Variants in ADCYAP1R1 observed in about 807,000 individuals in gnomAD.
ADCYAP1R1 encodes the protein ADCYAP receptor type I.
In ADCYAP1R1, 44 loss-of-function variants were observed where a neutral mutation model predicts 67.6. That is an observed-to-expected ratio of 0.65 (90% CI 0.51 to 0.84). ADCYAP1R1 has a LOEUF of 0.84. ADCYAP1R1 is among the 40% of genes least tolerant of loss of function. The pLI, the probability that ADCYAP1R1 is intolerant of heterozygous loss-of-function variation, is 0.00. For synonymous variants in ADCYAP1R1, 222 were observed against 219.6 expected, an observed-to-expected ratio of 1.01 and a Z score of -0.10; for missense variants, 477 against 587.9, an observed-to-expected ratio of 0.81 and a Z score of 1.95.
At chr7:31,082,303 G>A (rs1216692141) in intron 6 of ADCYAP1R1, among the ~76,000 whole-genome samples, 3 of 152,166 alleles carry the variant, frequency 2.0e-5, no homozygotes, top group Non-Finnish European at 4.4e-5. Context: ...CACAATGACC[G>A]CGGGGTTTTG....
intron 3 of ADCYAP1R1, among the ~76,000 whole-genome samples, chr7:31,071,157 A>G (rs569429062): frequency 6.6e-6 from 1 of 152,308 alleles, no homozygotes; most frequent in East Asian, 1.9e-4. Context: ...AGTTTTGAAC[A>G]CTGTGGAACT....
intron 8 of ADCYAP1R1, 59 bp from the exon 9 acceptor site, chr7:31,085,251 G>A: frequency 1.9e-6 from 3 of 1,578,102 alleles, no homozygotes; most frequent in Non-Finnish European, 2.6e-6. Flanking sequence ...ATGCCCACAT[G>A]GAGGGTGTGA....
At position 31,086,884 on chromosome 7, in the gene ADCYAP1R1, T is replaced by G; in HGVS notation, c.824-59T>G. On this transcript the variant is annotated intron_variant, in intron 10 of 15. Transcript: ENST00000304166. The surrounding 1 kb of genome is among the most constrained non-coding windows in gnomAD (Gnocchi z 5.0). ...GCCTCTCGGAGCCCCAGGTCTACGG[T>G]GGACATTGGACATGTTGGTTTTCCT... is the stretch of plus-strand genomic sequence containing the variant. The G allele has an allele frequency of 6.4e-7, 1 of 1,560,454 alleles. No homozygotes were observed. The highest frequency in any genetic ancestry group is 8.8e-7 in the Non-Finnish European group (1 of 1,131,426).
chr7:31,078,571 A>G (rs7804958), intron 4 of ADCYAP1R1, among the ~76,000 whole-genome samples: 8,459 of 152,274 alleles, frequency 0.056, 801 homozygotes, highest in African/African-American at 0.19. Flanking sequence ...AGAGAGACGC[A>G]CATGTAGACA....
rs773256159 is a variant in ADCYAP1R1 at position 31,111,435 on chromosome 7, A to C, written c.*4751A>C. 1 of 152,190 alleles carries C rather than the reference A, an allele frequency of 6.6e-6. No individual in the cohort carries two copies. The highest frequency in any genetic ancestry group is 1.5e-5 in the Non-Finnish European group (1 of 68,040). 9.4% of individuals were successfully genotyped at this position (152,190 alleles called of 1,614,324 possible). A position where few individuals can be genotyped will look rare whatever the true frequency, so the allele number is the denominator to read the frequency against. On this transcript the variant is annotated 3_prime_UTR_variant, in exon 16 of 16. Coordinates refer to ENST00000304166, the MANE Select transcript of ADCYAP1R1 (RefSeq NM_001118.5). Reference sequence around the variant, plus strand: ...TCTTGTCCAGGATTTTAAGGATGTCAGACTGCTGTAGATGACTCAATAAAT... The same window carrying C: ...TCTTGTCCAGGATTTTAAGGATGTCCGACTGCTGTAGATGACTCAATAAAT...
chr7:31,084,911 C>A, intron 8 of ADCYAP1R1, 77 bp downstream of exon 8: 1 of 1,319,844 alleles, frequency 7.6e-7, no homozygotes, highest in Non-Finnish European at 1.1e-6. Context: ...CTCTCCCCTC[C>A]CCCCTTGATG....
intron 1 of ADCYAP1R1, among the ~76,000 whole-genome samples, chr7:31,055,155 G>A (rs1369305941): frequency 6.6e-6 from 1 of 152,146 alleles, no homozygotes; most frequent in Non-Finnish European, 1.5e-5. Flanking sequence ...TATGACACCT[G>A]CCAGAGAGCT....
intron 15 of ADCYAP1R1, 83 bp from the exon 16 acceptor site, chr7:31,106,413 G>T (rs1433510254): frequency 5.4e-6 from 8 of 1,487,828 alleles, no homozygotes; most frequent in Non-Finnish European, 6.3e-6. Flanking sequence ...CTGCCAGCCT[G>T]GGAAGGGCCC....
chr7:31,103,173 C>G, intron 13 of ADCYAP1R1, 64 bp from the exon 14 acceptor site: 1 of 1,586,054 alleles, frequency 6.3e-7, no homozygotes, highest in Non-Finnish European at 8.6e-7. Context: ...GTTCTCTGCC[C>G]TCCGTGGCTC....
intron 3 of ADCYAP1R1, among the ~76,000 whole-genome samples, chr7:31,071,434 A>G (rs576547153): frequency 1.3e-5 from 2 of 152,264 alleles, no homozygotes; most frequent in East Asian, 1.9e-4. Context: ...AGATGGAGCC[A>G]TGAGGCTTGG....
chr7:31,069,108 G>T (rs1412549259), intron 3 of ADCYAP1R1, among the ~76,000 whole-genome samples: 1 of 152,118 alleles, frequency 6.6e-6, no homozygotes, highest in East Asian at 1.9e-4. Context: ...AAGCCTCCAG[G>T]TGATTCTAAA....
At chr7:31,068,092 C>G (rs889143711) in intron 3 of ADCYAP1R1, among the ~76,000 whole-genome samples, 1 of 152,106 alleles carries the variant, frequency 6.6e-6, no homozygotes, top group Non-Finnish European at 1.5e-5. Flanking sequence ...AGAAGCGTTC[C>G]GCTGGGGAAG....
chr7:31,083,686 C>T (rs1050295175), intron 6 of ADCYAP1R1, among the ~76,000 whole-genome samples: 4 of 152,114 alleles, frequency 2.6e-5, no homozygotes, highest in African/African-American at 4.8e-5. Flanking sequence ...CCAAGGTGTG[C>T]CAAGGACCCC....
At chr7:31,071,195 G>A (rs931696991) in intron 3 of ADCYAP1R1, among the ~76,000 whole-genome samples, 1 of 152,144 alleles carries the variant, frequency 6.6e-6, no homozygotes, top group African/African-American at 2.4e-5. Context: ...TGACAACCCA[G>A]GATTAGCTCC....
chr7:31,068,639 G>A (rs1794846231), intron 3 of ADCYAP1R1, among the ~76,000 whole-genome samples: 2 of 152,192 alleles, frequency 1.3e-5, no homozygotes, highest in South Asian at 4.1e-4. Flanking sequence ...AGGAGAGAAT[G>A]AGGTCTCGGC....
chr7:31,095,034 A>G (rs1458038025), intron 13 of ADCYAP1R1, among the ~76,000 whole-genome samples: 1 of 152,144 alleles, frequency 6.6e-6, no homozygotes, highest in Non-Finnish European at 1.5e-5. Flanking sequence ...GTCCAGCAGC[A>G]TGTTTGAGTG....
chr7:31,080,661 C>T lies in ADCYAP1R1; in HGVS notation c.286+28C>T, dbSNP rs756803459. The T allele has an allele frequency of 3.5e-5, 56 of 1,612,124 alleles. No homozygotes were observed. The Admixed American group carries it at 7.2e-4, about 21-fold the overall frequency. ...AAGAGGAACCTTGGTGAGGATAGAC[C>T]GCTGTCTTTCTGTCCATCCAGCAGG... On this transcript the variant is annotated intron_variant, in intron 5 of 15. Transcript: ENST00000304166.
chr7:31,073,369 T>C (rs1033676144), intron 3 of ADCYAP1R1, among the ~76,000 whole-genome samples: 12 of 151,826 alleles, frequency 7.9e-5, no homozygotes, highest in Middle Eastern at 3.4e-3. Flanking sequence ...GAAAAAAAGA[T>C]AAAAGGAGGA....
At chr7:31,080,091 AG>A (rs1355126364) in intron 4 of ADCYAP1R1, among the ~76,000 whole-genome samples, 1 of 152,250 alleles carries the variant, frequency 6.6e-6, no homozygotes, top group Non-Finnish European at 1.5e-5. Flanking sequence ...CAACAACGAA[AG>A]GCAAAATGAA....
Sources: allele counts gnomAD v4.1 joint callset (sites outside exome capture counted in the v4.1 genomes callset), GRCh38; gene constraint gnomAD v4.1.1; non-coding constraint Gnocchi (gnomAD v3.1); transcripts MANE v1.5; gene names NCBI Gene and HGNC (gene_info 2026-07-23, HGNC 2026-07-21).